DNAH17: variants seen among roughly 807,000 people sequenced by gnomAD.
The protein encoded by DNAH17 is axonemal beta dynein heavy chain 17.
In DNAH17, 376 loss-of-function variants were observed where a neutral mutation model predicts 485.6. The ratio of observed to expected loss-of-function variants is 0.77; its 90% CI spans 0.71 to 0.84. The LOEUF (loss-of-function observed/expected upper bound fraction) is 0.84, where lower values mean the gene tolerates loss of function less well. Ranked by LOEUF, DNAH17 falls within the 40% of genes least tolerant of loss-of-function variation. The probability of loss-of-function intolerance (pLI) is 0.00; values close to 1 mark genes in which losing one functional copy is unlikely to be tolerated. For synonymous variants in DNAH17, 3,031 were observed against 2,405.9 expected (o/e 1.26, Z -7.60); for missense variants, 6,370 against 5,839.3 (o/e 1.09, Z -2.96).
chr17:78,536,138 T>A (rs1425487903), intron 19 of DNAH17, among the ~76,000 whole-genome samples: 1 of 152,064 alleles, frequency 6.6e-6, no homozygotes, highest in South Asian at 2.1e-4. Context: ...GGAGAATCAG[T>A]GTTTACATTA....
intron 44 of DNAH17, 93 bp downstream of exon 44, chr17:78,490,606 T>C (rs1260914080): frequency 1.4e-6 from 2 of 1,479,990 alleles, no homozygotes; most frequent in Non-Finnish European, 9.1e-7. Context: ...GTTTGTGACA[T>C]GAATGATGAA....
In DNAH17 at chr17:78,485,725, G is replaced by T. The variant is rs145389838; in HGVS notation, c.7308C>A (p.Arg2436=). ...TGAGCAGGTCCATGAAGTAGCGGAT[G>T]CGGATGGTTTCCGTGGTGTGGACCA... ...ASLVHTTETI[R]IRYFMDLLME... The change falls in exon 47 of 81, where the codon CGC becomes CGA. Residue 2436 remains arginine, a synonymous_variant. Coordinates refer to ENST00000389840, the MANE Select transcript of DNAH17 (RefSeq NM_173628.4). 3.5e-4 allele frequency: 559 copies of T among 1,613,978 alleles called. 3 individuals carry two copies. The African/African-American group carries it at 6.5e-3, about 19-fold the overall frequency.
At chr17:78,478,997 G>C (rs747782833) in intron 51 of DNAH17, 28 bp downstream of exon 51, 3 of 1,599,462 alleles carry the variant, frequency 1.9e-6, no homozygotes, top group African/African-American at 1.3e-5. Flanking sequence ...CGTAAGGCAG[G>C]CATGACATAA....
At chr17:78,477,032 G>T (rs2089063624) in intron 51 of DNAH17, among the ~76,000 whole-genome samples, 1 of 152,222 alleles carries the variant, frequency 6.6e-6, no homozygotes, top group South Asian at 2.1e-4. Flanking sequence ...AATTGCAAAG[G>T]AAAGCAGGTG....
At chr17:78,521,394 G>A (rs529596024) in intron 25 of DNAH17, among the ~76,000 whole-genome samples, 24 of 152,142 alleles carry the variant, frequency 1.6e-4, no homozygotes, top group South Asian at 6.2e-4. Flanking sequence ...TGACAAGAGC[G>A]ACACTCCATC....
chr17:78,457,261 C>G (rs1365342259), intron 62 of DNAH17, among the ~76,000 whole-genome samples: 1 of 152,132 alleles, frequency 6.6e-6, no homozygotes, highest in East Asian at 1.9e-4. Context: ...GTCCCATCTA[C>G]TTGGGAGACT....
chr17:78,475,491 CACA>C lies in DNAH17; in HGVS notation c.8320-25_8320-23del, dbSNP rs763375663. 1.4e-3 allele frequency: 2,180 copies of C among 1,613,324 alleles called. 3 individuals carry two copies. Among genetic ancestry groups the C allele is most frequent in the Non-Finnish European group, 1.7e-3 (1,982 of 1,179,818 alleles). On this transcript the variant is annotated intron_variant, in intron 53 of 80. Coordinates refer to ENST00000389840, the MANE Select transcript of DNAH17 (RefSeq NM_173628.4). ...GCACCTGCAGAAACCGGAGAGATCC[CACA>C]ACATCTTGTAGCACCTGGAATCACC... is the stretch of plus-strand genomic sequence containing the variant.
chr17:78,547,740 C>G (rs1011811685), intron 16 of DNAH17, among the ~76,000 whole-genome samples: 2 of 152,014 alleles, frequency 1.3e-5, no homozygotes, highest in African/African-American at 4.8e-5. Flanking sequence ...GCCTCAGCCT[C>G]TCTAGTAGCT....
In DNAH17 at chr17:78,500,322, C is replaced by G; in HGVS notation, c.5623G>C (p.Glu1875Gln). 2 of 1,611,968 alleles carry G rather than the reference C, an allele frequency of 1.2e-6. No individual in the cohort carries two copies. The highest frequency in any genetic ancestry group is 1.7e-6 in the Non-Finnish European group (2 of 1,179,142). Residue 1875 changes from glutamate (E) to glutamine (Q), a missense_variant, in exon 36 of 81, where the codon GAG becomes CAG. Physicochemically the swap from Glu to Gln is conservative, Grantham distance 29. Coordinates refer to ENST00000389840, the MANE Select transcript of DNAH17 (RefSeq NM_173628.4). ...GTMVYVFNCS[E>Q]QMDYKSCGNI... The stretch of plus-strand genomic sequence containing the variant: ...CCGCGTACCTTGTAGTCCATCTGCT[C>G]GGAGCAGTTGAAGACGTAGACCATG...
rs577944028 is a variant in DNAH17, at chr17:78,511,200, C to T, written c.4114-694G>A. Among the ~76,000 whole-genome samples, 155 of 152,346 alleles carry T rather than the reference C, an allele frequency of 1.0e-3. 1 individual carries two copies. The highest frequency in any genetic ancestry group is 4.1e-3 in the Admixed American group (63 of 15,310). On this transcript the variant is annotated intron_variant, in intron 26 of 80. Transcript: ENST00000389840. ...TTGGCTCACTGGAACCTCCACCTCCCGGGTTCAAGCGATTCTCCTGCCTCA... is the reference window on the plus strand; with the variant it reads ...TTGGCTCACTGGAACCTCCACCTCCTGGGTTCAAGCGATTCTCCTGCCTCA...
intron 54 of DNAH17, among the ~76,000 whole-genome samples, chr17:78,475,071 A>G (rs982912008): frequency 2.0e-5 from 3 of 151,612 alleles, no homozygotes; most frequent in African/African-American, 7.3e-5. Flanking sequence ...AAGGTTTCAC[A>G]CTCTTCACCT....
At position 78,507,725 on chromosome 17, in the gene DNAH17, G is replaced by C. The variant is rs2090526488; in HGVS notation, c.4317C>G (p.Leu1439=). 1.9e-6 allele frequency: 3 copies of C among 1,605,710 alleles called. No individual in the cohort carries two copies. Among genetic ancestry groups the C allele is most frequent in the East Asian group, 2.2e-5 (1 of 44,834 alleles). Residue 1439 remains leucine (L), a synonymous_variant, in exon 28 of 81, where the codon CTC becomes CTG. Coordinates refer to ENST00000389840, the MANE Select transcript of DNAH17 (RefSeq NM_173628.4). ...TCTCCACCAGCACCTCGCTGGACTT[G>C]AGCATCATGGTGCCTGTCCGCGGGT... ...EPHPRTGTMM[L]KSSEVLVETL...
chr17:78,567,139 G>A lies in DNAH17; in HGVS notation c.1312C>T (p.Leu438=). The A allele has an allele frequency of 6.2e-7, 1 of 1,607,772 alleles. No homozygotes were observed. Among genetic ancestry groups the A allele is most frequent in the Non-Finnish European group, 8.5e-7 (1 of 1,177,110 alleles). ...CCAAGCTCGATTTTCTCCAGCTTCA[G>A]AAACTCAATTGCTGTTTTATAGAGT... The part of the protein sequence containing the change: ...EELYKTAIEF[L]KLEKIELGGV... Residue 438 remains leucine (L), a synonymous_variant, in exon 10 of 81, where the codon CTG becomes TTG. Transcript: ENST00000389840.
chr17:78,458,889 G>A (rs1568081177), intron 61 of DNAH17, 112 bp downstream of exon 61: 12 of 1,270,156 alleles, frequency 9.4e-6, no homozygotes, highest in Middle Eastern at 1.9e-4. Context: ...TTGCACTGCT[G>A]AATAATTCAT....
intron 17 of DNAH17, among the ~76,000 whole-genome samples, chr17:78,541,219 G>A (rs1462786914): frequency 4.2e-5 from 1 of 23,690 alleles, no homozygotes; most frequent in African/African-American, 2.5e-4. Context: ...GGGTGGGTGG[G>A]GGGGTGAGCG....
intron 13 of DNAH17, among the ~76,000 whole-genome samples, 154 bp from the exon 14 acceptor site, chr17:78,558,408 A>AC (rs1444129639): frequency 6.6e-6 from 1 of 152,076 alleles, no homozygotes; most frequent in Non-Finnish European, 1.5e-5. Context: ...CAGGACCAGG[A>AC]CGTTTTCACC....
chr17:78,438,546 G>C (rs2086945527), intron 73 of DNAH17, among the ~76,000 whole-genome samples: 1 of 146,598 alleles, frequency 6.8e-6, no homozygotes, highest in South Asian at 2.2e-4. Context: ...CGCCCGGGCT[G>C]GAGTGCAGTG....
rs780557545 is a variant in DNAH17 at position 78,571,654 on chromosome 17, AG to A, written c.667del (p.Leu223CysfsTer14). 5 of 1,614,012 alleles carry A rather than the reference AG, an allele frequency of 3.1e-6. No individual in the cohort carries two copies. Among genetic ancestry groups the A allele is most frequent in the Non-Finnish European group, 4.2e-6 (5 of 1,179,894 alleles). ...CCAGAACTCGAACTCCACTTGGGGC[AG>A]GGGGTGCAGCCCATCCAGCAGCGCC... ...AQALLDGLHP[L>X]PQVEFEFWDT... On this transcript the variant is annotated frameshift_variant, in exon 4 of 81. Coordinates refer to ENST00000389840, the MANE Select transcript of DNAH17 (RefSeq NM_173628.4). LOFTEE classifies it high-confidence loss of function.
At position 78,561,823 on chromosome 17, in the gene DNAH17, G is replaced by T. The variant is rs762757257; in HGVS notation, c.1727C>A (p.Pro576His). 119 of 1,613,784 alleles carry T rather than the reference G, an allele frequency of 7.4e-5. No individual in the cohort carries two copies. Among genetic ancestry groups the T allele is most frequent in the Non-Finnish European group, 9.7e-5 (115 of 1,179,860 alleles). ...QMAASEEGNIPLIHKNMPPVA... is the reference protein window; with the variant it reads ...QMAASEEGNIHLIHKNMPPVA... ...GGGAGGCATGTTTTTGTGGATCAGG[G>T]GGATGTTCCCCTCCTCGGAGGCCGC... The change falls in exon 12 of 81, where the codon CCC (proline) becomes CAC (histidine). Residue 576 changes from proline (P) to histidine (H), a missense_variant. Coordinates refer to ENST00000389840, the MANE Select transcript of DNAH17 (RefSeq NM_173628.4).
Sources: allele counts gnomAD v4.1 joint callset (sites outside exome capture counted in the v4.1 genomes callset), GRCh38; gene constraint gnomAD v4.1.1; transcripts MANE v1.5; gene names NCBI Gene and HGNC (gene_info 2026-07-23, HGNC 2026-07-21).